Variants in TENM4 observed in about 807,000 individuals in gnomAD.
The protein encoded by TENM4 is teneurin-4.
Under a neutral mutation model 243.3 loss-of-function variants are expected in TENM4, and 82 were observed. That is an observed-to-expected ratio of 0.34 (90% confidence interval 0.28 to 0.40). The LOEUF (loss-of-function observed/expected upper bound fraction) is 0.40, where lower values mean the gene tolerates loss of function less well. Ranked by LOEUF, TENM4 falls within the 10% of genes least tolerant of loss-of-function variation. TENM4 has a pLI of 1.00. For missense variants in TENM4, 3,138 were observed against 3,673.3 expected, an observed-to-expected ratio of 0.85 and a Z score of 3.77; for synonymous variants, 1,412 against 1,456.3, an observed-to-expected ratio of 0.97 and a Z score of 0.69.
intron 2 of TENM4, among the ~76,000 whole-genome samples, chr11:79,217,879 C>T (rs964123429): frequency 3.9e-5 from 6 of 152,220 alleles, no homozygotes; most frequent in African/African-American, 9.6e-5. Context: ...CCCACCACCA[C>T]GGCTGGCTAA....
At chr11:79,099,596 C>T (rs1047998331) in intron 4 of TENM4, among the ~76,000 whole-genome samples, 43 of 152,176 alleles carry the variant, frequency 2.8e-4, no homozygotes, top group Non-Finnish European at 1.5e-4. Flanking sequence ...CCCCCACTTT[C>T]CCCTTTAATT....
At chr11:79,245,678 G>A (rs527919451) in intron 2 of TENM4, among the ~76,000 whole-genome samples, 87 of 152,220 alleles carry the variant, frequency 5.7e-4, no homozygotes, top group African/African-American at 2.0e-3. Flanking sequence ...AGTGGCTCAC[G>A]CTCGTAATCC....
intron 6 of TENM4, among the ~76,000 whole-genome samples, chr11:78,970,384 GA>G (rs1857516208): frequency 6.6e-6 from 1 of 152,170 alleles, no homozygotes; most frequent in Non-Finnish European, 1.5e-5. Flanking sequence ...TGAAAATCTA[GA>G]GTGACTATTC....
intron 1 of TENM4, among the ~76,000 whole-genome samples, chr11:79,387,927 C>A (rs1482304352): frequency 6.6e-6 from 1 of 152,182 alleles, no homozygotes; most frequent in Non-Finnish European, 1.5e-5. Flanking sequence ...ATTGCTTGAG[C>A]CCAAGAGGCT....
chr11:79,042,707 C>G lies in TENM4; in HGVS notation c.493+22031G>C, dbSNP rs150665142. On this transcript the variant is annotated intron_variant, in intron 6 of 33. Coordinates refer to ENST00000278550, the MANE Select transcript of TENM4 (RefSeq NM_001098816.3). ...CCCAGTCAAAATTCAGGCCACAGAC[C>G]TGTCCATTTCCTTTCCCCCAACCCA... 2.6e-3 allele frequency among the ~76,000 whole-genome samples: 392 copies of G among 152,292 alleles called. 2 individuals carry two copies. Among genetic ancestry groups the G allele is most frequent in the African/African-American group, 8.8e-3 (367 of 41,554 alleles).
intron 1 of TENM4, among the ~76,000 whole-genome samples, chr11:79,356,942 A>T (rs1857506963): frequency 6.6e-6 from 1 of 152,144 alleles, no homozygotes; most frequent in African/African-American, 2.4e-5. Context: ...TTCTAGTAAG[A>T]GAATCTACTT....
chr11:78,830,963 T>G (rs1271779930), intron 12 of TENM4, among the ~76,000 whole-genome samples: 1 of 152,218 alleles, frequency 6.6e-6, no homozygotes, highest in Non-Finnish European at 1.5e-5. Context: ...CACCTGTTAT[T>G]GAGTCCTATG....
chr11:79,429,322 C>A (rs190333839), intron 1 of TENM4, among the ~76,000 whole-genome samples: 35 of 152,254 alleles, frequency 2.3e-4, no homozygotes, highest in Non-Finnish European at 4.1e-4. Context: ...TATTCACATC[C>A]TTCCCCCTCC....
intron 1 of TENM4, among the ~76,000 whole-genome samples, chr11:79,366,046 C>T (rs959107087): frequency 4.6e-5 from 7 of 152,164 alleles, no homozygotes; most frequent in Admixed American, 4.6e-4. Flanking sequence ...AAGCTAGTGG[C>T]TATCATGCTA....
intron 6 of TENM4, among the ~76,000 whole-genome samples, chr11:78,926,736 A>G (rs939786843): frequency 2.0e-5 from 3 of 148,248 alleles, no homozygotes; most frequent in African/African-American, 7.7e-5. Flanking sequence ...CGTTAATATT[A>G]TAGACACTTT....
At position 78,977,678 on chromosome 11, in the gene TENM4, G is replaced by A. The variant is rs1225573334; in HGVS notation, c.494-74155C>T. On this transcript the variant is annotated intron_variant, in intron 6 of 33. Transcript: ENST00000278550. Reference sequence around the variant, plus strand: ...AATACCATCTCACGCCAGTTAGAATGGCGATCATTAAAAAGTCAGGAAACA... The same window carrying A: ...AATACCATCTCACGCCAGTTAGAATAGCGATCATTAAAAAGTCAGGAAACA... Among the ~76,000 whole-genome samples, 3 of 152,210 alleles carry A rather than the reference G, an allele frequency of 2.0e-5. No individual in the cohort carries two copies. In the South Asian group the frequency reaches 6.2e-4, roughly 32 times the overall value.
At chr11:78,674,748 T>C (rs1423022739) in intron 30 of TENM4, among the ~76,000 whole-genome samples, 1 of 152,098 alleles carries the variant, frequency 6.6e-6, no homozygotes, top group Non-Finnish European at 1.5e-5. Flanking sequence ...TTTCCCACAG[T>C]AGATAGTCAC....
chr11:79,183,276 T>C (rs560214702), intron 3 of TENM4, among the ~76,000 whole-genome samples: 4 of 152,278 alleles, frequency 2.6e-5, no homozygotes, highest in African/African-American at 9.6e-5. Flanking sequence ...GAAACTTAAA[T>C]GCTCATTAAG....
intron 1 of TENM4, among the ~76,000 whole-genome samples, chr11:79,436,297 G>T (rs1001925616): frequency 1.3e-5 from 2 of 152,116 alleles, no homozygotes; most frequent in African/African-American, 4.8e-5. Context: ...TTGCTATAAC[G>T]GACGTTATTG....
chr11:79,194,117 TG>T (rs1863573450), intron 3 of TENM4, among the ~76,000 whole-genome samples: 1 of 152,026 alleles, frequency 6.6e-6, no homozygotes, highest in Admixed American at 6.6e-5. Flanking sequence ...AGGGGGTTTT[TG>T]CTTTTACTTC....
intron 6 of TENM4, among the ~76,000 whole-genome samples, chr11:79,056,486 G>T (rs940323248): frequency 2.0e-5 from 3 of 152,068 alleles, no homozygotes; most frequent in African/African-American, 7.2e-5. Context: ...GCTAGTAGCC[G>T]TCAGTGTTGG....
At position 79,348,272 on chromosome 11, in the gene TENM4, G is replaced by A. The variant is rs561685832; in HGVS notation, c.-320-50729C>T. 3.3e-5 allele frequency among the ~76,000 whole-genome samples: 5 copies of A among 152,272 alleles called. No individual in the cohort carries two copies. The East Asian group carries it at 9.7e-4, about 29-fold the overall frequency. ...GGCTACACCGAGGATATAGTGGTGT[G>A]CAGTACTGCCATGGTGCCCAACTGT... On this transcript the variant is annotated intron_variant, in intron 1 of 33. Transcript: ENST00000278550.
At position 78,724,414 on chromosome 11, in the gene TENM4, A is replaced by G. The variant is rs376475500; in HGVS notation, c.3551-1497T>C. On this transcript the variant is annotated intron_variant, in intron 23 of 33. Transcript: ENST00000278550. ...GCCTTTTAAATATTTTCTTCCATCA[A>G]TTTTAAAGTGTTATCTTTCTCATTT... Among the ~76,000 whole-genome samples, 13 of 152,278 alleles carry G rather than the reference A, an allele frequency of 8.5e-5. No individual in the cohort carries two copies. The South Asian group carries it at 2.7e-3, about 32-fold the overall frequency.
At chr11:79,315,432 C>T (rs1251124198) in intron 1 of TENM4, among the ~76,000 whole-genome samples, 1 of 152,180 alleles carries the variant, frequency 6.6e-6, no homozygotes, top group Non-Finnish European at 1.5e-5. Flanking sequence ...CAACTGTTGC[C>T]ACATGTCTTG....
Sources: gnomAD v4.1 joint callset for allele counts (sites outside exome capture counted in the v4.1 genomes callset) on GRCh38, gnomAD v4.1.1 for gene constraint, MANE v1.5 for transcripts, NCBI Gene and HGNC (gene_info 2026-07-23, HGNC 2026-07-21) for gene names.